The following ATP1A2 variants were observed in gnomAD, a reference collection of about 807,000 sequenced individuals.
The protein encoded by ATP1A2 is sodium/potassium-transporting ATPase subunit alpha-2.
A neutral mutation model predicts 113.1 loss-of-function variants in ATP1A2; 56 were observed. The ratio of observed to expected loss-of-function variants is 0.49; its 90% confidence interval spans 0.40 to 0.62. The LOEUF is 0.62. Among genes scored for constraint, ATP1A2 ranks in the 20% least tolerant of loss-of-function variants. ATP1A2 has a pLI of 0.00. For synonymous variants in ATP1A2, 490 were observed against 526.8 expected, an observed-to-expected ratio of 0.93 and a Z score of 0.96; for missense variants, 712 against 1,357.8, an observed-to-expected ratio of 0.52 and a Z score of 7.47.
chr1:160,140,017 C>T (rs777021762), intron 22 of ATP1A2, 33 bp downstream of exon 22: 1 of 1,598,452 alleles, frequency 6.3e-7, no homozygotes, highest in Non-Finnish European at 8.6e-7. Flanking sequence ...CAGCAAAGTG[C>T]AAGCCCCACC....
chr1:160,121,035 G>T, intron 2 of ATP1A2, 25 bp downstream of exon 2: 2 of 1,613,574 alleles, frequency 1.2e-6, no homozygotes, highest in Non-Finnish European at 1.7e-6. Flanking sequence ...GGGCCATGGA[G>T]GAGGGGCCCC....
At chr1:160,132,912 G>A (rs80191865) in intron 13 of ATP1A2, among the ~76,000 whole-genome samples, 14,233 of 152,122 alleles carry the variant, frequency 0.094, 891 homozygotes, top group Non-Finnish European at 0.12. Context: ...CAACATTTAG[G>A]CACAAGAGGA....
At chr1:160,130,073 C>T (rs1261384318) in intron 11 of ATP1A2, 29 bp from the exon 12 acceptor site, 1 of 1,614,024 alleles carries the variant, frequency 6.2e-7, no homozygotes, top group South Asian at 1.1e-5. Flanking sequence ...AAGTATGGCC[C>T]TCTCTGTAAC....
At position 160,124,539 on chromosome 1, in the gene ATP1A2, CA is replaced by C. The variant is rs969869541; in HGVS notation, c.630+111del. 52 of 1,497,430 alleles carry C rather than the reference CA, an allele frequency of 3.5e-5. No individual in the cohort carries two copies. The African/African-American group carries it at 6.7e-4, about 19-fold the overall frequency. 92.8% of individuals were successfully genotyped at this position (1,497,430 alleles called of 1,614,324 possible). ...GGTGGAGAGACCCAGGTCCAAATGT[CA>C]ACACCATGCCTATGCCCCTGCTAAA... On this transcript the variant is annotated intron_variant, in intron 6 of 22. Transcript: ENST00000361216.
At chr1:160,139,184 T>C (rs1652054527) in intron 20 of ATP1A2, among the ~76,000 whole-genome samples, 1 of 152,182 alleles carries the variant, frequency 6.6e-6, no homozygotes, top group Non-Finnish European at 1.5e-5. Flanking sequence ...TTCTCTGAAT[T>C]AAATATCTAT....
At chr1:160,133,377 G>T (rs554213722) in intron 13 of ATP1A2, among the ~76,000 whole-genome samples, 3 of 148,090 alleles carry the variant, frequency 2.0e-5, no homozygotes, top group East Asian at 1.9e-4. Context: ...GACCATGGAG[G>T]CTTCCTTTTC....
chr1:160,128,273 C>A, intron 8 of ATP1A2: 1 of 452,998 alleles, frequency 2.2e-6, no homozygotes, highest in Admixed American at 3.1e-5. Context: ...CTCCTCTGTC[C>A]CTTCCTGCTC....
intron 22 of ATP1A2, chr1:160,140,189 C>T: frequency 1.7e-6 from 1 of 598,604 alleles, no homozygotes; most frequent in East Asian, 2.9e-5. Flanking sequence ...TAAACCCCGC[C>T]TAACTCACAG....
At chr1:160,121,061 T>A (rs1651379103) in intron 2 of ATP1A2, 51 bp downstream of exon 2, 1 of 1,609,322 alleles carries the variant, frequency 6.2e-7, no homozygotes, top group South Asian at 1.1e-5. Flanking sequence ...GGGAGAGCTG[T>A]CCCTGCAGCC....
In ATP1A2 at chr1:160,130,275, T is replaced by C; in HGVS notation, c.1635T>C (p.Leu545=). 2 of 1,614,030 alleles carry C rather than the reference T, an allele frequency of 1.2e-6. No homozygotes were observed. The highest frequency in any genetic ancestry group is 1.7e-6 in the Non-Finnish European group (2 of 1,179,992). ...ATGCCTACATGGAGCTGGGGGGACT[T>C]GGGGAGCGTGTGCTGGGTGAGAGGC... ...FQNAYMELGG[L]GERVLGFCQL... is the part of the protein sequence containing the mutation. The change falls in exon 12 of 23, where the codon CTT becomes CTC. Residue 545 remains leucine (L), a synonymous_variant. Transcript: ENST00000361216.
intron 20 of ATP1A2, among the ~76,000 whole-genome samples, chr1:160,138,257 C>T (rs1324581298): frequency 6.6e-6 from 1 of 152,230 alleles, no homozygotes; most frequent in Non-Finnish European, 1.5e-5. Context: ...AAATAAAGCA[C>T]TCACCTATGC....
chr1:160,127,697 A>T lies in ATP1A2; in HGVS notation c.894A>T (p.Val298=). ...HFIQLITGVA[V]FLGVSFFVLS... Reference sequence around the variant, plus strand: ...TCCAGCTGATCACAGGGGTCGCTGTATTCCTGGGGGTCTCCTTCTTCGTGC... The same window carrying T: ...TCCAGCTGATCACAGGGGTCGCTGTTTTCCTGGGGGTCTCCTTCTTCGTGC... Residue 298 remains valine, a synonymous_variant, in exon 8 of 23, where the codon GTA becomes GTT. Coordinates refer to ENST00000361216, the MANE Select transcript of ATP1A2 (RefSeq NM_000702.4). The T allele has an allele frequency of 6.2e-7, 1 of 1,614,230 alleles. No homozygotes were observed. Among genetic ancestry groups the T allele is most frequent in the South Asian group, 1.1e-5 (1 of 91,090 alleles).
At chr1:160,129,940 T>C (rs1360612288) in intron 11 of ATP1A2, among the ~76,000 whole-genome samples, 162 bp from the exon 12 acceptor site, 2 of 152,176 alleles carry the variant, frequency 1.3e-5, no homozygotes, top group African/African-American at 4.8e-5. Context: ...GTGTTGGAAC[T>C]GTGAGGTCTA....
chr1:160,122,991 G>T lies in ATP1A2; in HGVS notation c.178-222G>T, dbSNP rs75011845. Among the ~76,000 whole-genome samples the T allele has an allele frequency of 3.3e-3, 507 of 152,204 alleles. 7 individuals carry two copies. The highest frequency in any genetic ancestry group is 0.011 in the African/African-American group (464 of 41,516). ...TTGTCTCAATCCAATATAATTAGGG[G>T]TCAAGCCCAGTCAAACCCTTCTCAG... On this transcript the variant is annotated intron_variant, in intron 3 of 22. Transcript: ENST00000361216.
chr1:160,115,896 GGTCGCA>G (rs1325457741), intron 1 of ATP1A2, 23 bp downstream of exon 1: 7 of 1,600,872 alleles, frequency 4.4e-6, no homozygotes, highest in Non-Finnish European at 6.0e-6. Context: ...AAAGAGCAGG[GGTCGCA>G]GTCTAGAGGG....
chr1:160,135,410 C>T lies in ATP1A2; in HGVS notation c.2116-24C>T. 1.2e-6 allele frequency: 2 copies of T among 1,614,152 alleles called. No homozygotes were observed. The highest frequency in any genetic ancestry group is 1.7e-6 in the Non-Finnish European group (2 of 1,180,030). ...CAGGCTTGGGAAGGGGTTTCGTCCT[C>T]AAGTGTGGCCGTCTTCCCTCCAGGG... On this transcript the variant is annotated intron_variant, in intron 15 of 22. Transcript: ENST00000361216. This position sits in a 1 kb window ranked among gnomAD's most constrained non-coding sequence, Gnocchi z 6.3.
intron 1 of ATP1A2, among the ~76,000 whole-genome samples, chr1:160,116,541 A>ACCC (rs11331051): frequency 6.7e-6 from 1 of 149,248 alleles, no homozygotes; most frequent in Non-Finnish European, 1.5e-5. Context: ...GTGACAGGTG[A>ACCC]CCCCCCCCCC....
intron 1 of ATP1A2, among the ~76,000 whole-genome samples, chr1:160,118,149 C>A (rs1423836039): frequency 6.6e-6 from 1 of 152,236 alleles, no homozygotes. Flanking sequence ...GGAGGCACTG[C>A]GTGGAGCTGC....
Position 160,135,357 on chromosome 1 carries a change from G to A in ATP1A2, c.2115+62G>A. On this transcript the variant is annotated intron_variant, in intron 15 of 22. Transcript: ENST00000361216. This position sits in a 1 kb window ranked among gnomAD's most constrained non-coding sequence, Gnocchi z 6.3. ...ACCGGGGAGGCAGGGACAGGGCCAA[G>A]ACAAGCATGGAGTGAGAGGCGAGGA... 1 of 1,614,198 alleles carries A rather than the reference G, an allele frequency of 6.2e-7. No homozygotes were observed. The highest frequency in any genetic ancestry group is 8.5e-7 in the Non-Finnish European group (1 of 1,180,028).
Sources: gnomAD v4.1 joint callset for allele counts (sites outside exome capture counted in the v4.1 genomes callset) on GRCh38, gnomAD v4.1.1 for gene constraint, Gnocchi (gnomAD v3.1) non-coding constraint, MANE v1.5 for transcripts, NCBI Gene and HGNC (gene_info 2026-07-23, HGNC 2026-07-21) for gene names.